SLC12A6: variants seen among roughly 807,000 people sequenced by gnomAD.
The protein encoded by SLC12A6 is solute carrier family 12 member 6, also known as K-Cl cotransporter 3.
A neutral mutation model predicts 135.3 loss-of-function variants in SLC12A6; 66 were observed. That is an observed-to-expected ratio of 0.49 (90% confidence interval 0.40 to 0.60). The LOEUF (loss-of-function observed/expected upper bound fraction) is 0.60. SLC12A6 is among the 20% of genes least tolerant of loss of function. SLC12A6 has a pLI of 0.00. For missense variants in SLC12A6, 1,058 were observed against 1,452.3 expected (o/e 0.73, Z 4.41); for synonymous variants, 513 against 508.8 (o/e 1.01, Z -0.11).
At chr15:34,285,507 G>A (rs1287852926) in intron 2 of SLC12A6, among the ~76,000 whole-genome samples, 1 of 150,466 alleles carries the variant, frequency 6.6e-6, no homozygotes, top group Non-Finnish European at 1.5e-5. Context: ...TGCTTATGAT[G>A]GTTTTTTTTT....
intron 2 of SLC12A6, among the ~76,000 whole-genome samples, chr15:34,301,574 G>A (rs1354669861): frequency 6.6e-6 from 1 of 152,210 alleles, no homozygotes; most frequent in Non-Finnish European, 1.5e-5. Flanking sequence ...AGAAAGTAGT[G>A]AAAATGTAGG....
intron 3 of SLC12A6, among the ~76,000 whole-genome samples, chr15:34,273,748 C>T (rs770280367): frequency 6.6e-6 from 1 of 152,178 alleles, no homozygotes; most frequent in Non-Finnish European, 1.5e-5. Flanking sequence ...TACATAGACA[C>T]ACAAGTGTTA....
At chr15:34,288,968 T>A (rs1895319220) in intron 2 of SLC12A6, among the ~76,000 whole-genome samples, 1 of 152,106 alleles carries the variant, frequency 6.6e-6, no homozygotes, top group Admixed American at 6.6e-5. Flanking sequence ...TATTTGAATA[T>A]CCCTTATTGC....
intron 2 of SLC12A6, among the ~76,000 whole-genome samples, chr15:34,275,980 TAA>T (rs1458632500): frequency 1.3e-5 from 2 of 152,130 alleles, no homozygotes; most frequent in Non-Finnish European, 2.9e-5. Context: ...TGTTATTGCT[TAA>T]AGAGTACAGC....
At chr15:34,290,974 TA>T (rs1296008532) in intron 2 of SLC12A6, among the ~76,000 whole-genome samples, 2 of 152,212 alleles carry the variant, frequency 1.3e-5, no homozygotes, top group African/African-American at 4.8e-5. Context: ...GCACTTACCC[TA>T]TTTACATTTA....
rs1257088725 is a variant in SLC12A6 at position 34,306,066 on chromosome 15, C to G, written c.271+30344G>C. Among the ~76,000 whole-genome samples, 3 of 152,150 alleles carry G rather than the reference C, an allele frequency of 2.0e-5. No individual in the cohort carries two copies. In the East Asian group the frequency reaches 5.8e-4, roughly 29 times the overall value. On this transcript the variant is annotated intron_variant, in intron 2 of 25. Coordinates refer to ENST00000354181, the MANE Select transcript of SLC12A6 (RefSeq NM_001365088.1). ...GTGAGCCACCGTGCCCAGCCTCCTC[C>G]AGCATTTCTATTTAGCTAACTCAAT...
chr15:34,320,080 AT>A (rs1370630775), intron 2 of SLC12A6, among the ~76,000 whole-genome samples: 3 of 152,154 alleles, frequency 2.0e-5, no homozygotes, highest in African/African-American at 4.8e-5. Flanking sequence ...TAATGTCCAT[AT>A]TGATGATGTA....
chr15:34,336,147 C>T (rs576681513), intron 2 of SLC12A6, among the ~76,000 whole-genome samples: 1 of 152,274 alleles, frequency 6.6e-6, no homozygotes, highest in Admixed American at 6.5e-5. Flanking sequence ...CATTTCATTT[C>T]TAAGAAGACA....
chr15:34,314,703 G>A (rs1238546977), intron 2 of SLC12A6: 4 of 152,716 alleles, frequency 2.6e-5, no homozygotes, highest in Admixed American at 2.0e-4. Flanking sequence ...GTGATTCATG[G>A]GAAAAAGTAA....
chr15:34,264,259 G>A (rs2140809655), intron 3 of SLC12A6, among the ~76,000 whole-genome samples: 1 of 152,296 alleles, frequency 6.6e-6, no homozygotes, highest in African/African-American at 2.4e-5. Context: ...TCTGGAGCCT[G>A]CTTATCAGCT....
intron 2 of SLC12A6, among the ~76,000 whole-genome samples, chr15:34,303,146 A>C (rs1362909082): frequency 1.3e-5 from 2 of 152,160 alleles, no homozygotes; most frequent in East Asian, 3.8e-4. Flanking sequence ...ACAACAAATT[A>C]GGAACTAAGG....
At chr15:34,234,682 C>T (rs979799854) in intron 25 of SLC12A6, among the ~76,000 whole-genome samples, 1 of 152,166 alleles carries the variant, frequency 6.6e-6, no homozygotes, top group Non-Finnish European at 1.5e-5. Context: ...TAAACCTCTT[C>T]TTTCTTAATG....
intron 7 of SLC12A6, 144 bp from the exon 8 acceptor site, chr15:34,255,536 GC>G: frequency 1.6e-6 from 1 of 628,146 alleles, no homozygotes; most frequent in Non-Finnish European, 2.8e-6. Context: ...AAAAAGATGT[GC>G]TAGTGGGAAG....
At chr15:34,272,224 C>G (rs8035650) in intron 3 of SLC12A6, among the ~76,000 whole-genome samples, 4,157 of 152,240 alleles carry the variant, frequency 0.027, 192 homozygotes, top group African/African-American at 0.095. Context: ...TTGCTTTGGC[C>G]TCCCAAAGTG....
chr15:34,310,995 C>T (rs1043029327), intron 2 of SLC12A6, among the ~76,000 whole-genome samples: 17 of 152,104 alleles, frequency 1.1e-4, no homozygotes, highest in Admixed American at 3.9e-4. Flanking sequence ...TGTGGATTCT[C>T]AATAAAATTT....
intron 3 of SLC12A6, among the ~76,000 whole-genome samples, chr15:34,262,041 C>G (rs1893170479): frequency 6.6e-6 from 1 of 152,210 alleles, no homozygotes; most frequent in Non-Finnish European, 1.5e-5. Flanking sequence ...CAAAAAGACA[C>G]ATGCACTTGT....
chr15:34,241,642 C>G (rs1403576862), intron 17 of SLC12A6, among the ~76,000 whole-genome samples: 1 of 152,140 alleles, frequency 6.6e-6, no homozygotes, highest in Non-Finnish European at 1.5e-5. Context: ...AAAATTATAA[C>G]AGACCTGGAG....
At chr15:34,299,146 T>C (rs760876405) in intron 2 of SLC12A6, among the ~76,000 whole-genome samples, 1 of 152,124 alleles carries the variant, frequency 6.6e-6, no homozygotes, top group Non-Finnish European at 1.5e-5. Context: ...GTTCCTACTT[T>C]GAAATCTCAG....
chr15:34,270,881 C>A (rs1212048163), intron 3 of SLC12A6, among the ~76,000 whole-genome samples: 1 of 150,918 alleles, frequency 6.6e-6, no homozygotes, highest in Non-Finnish European at 1.5e-5. Flanking sequence ...ACTCCAAGTT[C>A]AGCATGGCTA....
Sources: allele counts gnomAD v4.1 joint callset (sites outside exome capture counted in the v4.1 genomes callset), GRCh38; gene constraint gnomAD v4.1.1; transcripts MANE v1.5; gene names NCBI Gene and HGNC (gene_info 2026-07-23, HGNC 2026-07-21).